GPD2: variants seen among roughly 807,000 people sequenced by gnomAD.
GPD2 encodes glycerol-3-phosphate dehydrogenase 2, also known as glycerol-3-phosphate dehydrogenase, mitochondrial.
A neutral mutation model predicts 82.4 loss-of-function variants in GPD2; 54 were observed. The ratio of observed to expected loss-of-function variants is 0.66; its 90% CI spans 0.53 to 0.82. GPD2 has a LOEUF of 0.82. Among genes scored for constraint, GPD2 ranks in the 40% least tolerant of loss-of-function variants. The probability of loss-of-function intolerance (pLI) is 0.00; values close to 1 mark genes in which losing one functional copy is unlikely to be tolerated. For missense variants in GPD2, 748 were observed against 896.2 expected, an observed-to-expected ratio of 0.83 and a Z score of 2.11; for synonymous variants, 288 against 306.1, an observed-to-expected ratio of 0.94 and a Z score of 0.62.
In GPD2 at chr2:156,452,202, C is replaced by T. The variant is rs181861763; in HGVS notation, c.-9+15689C>T. 4.3e-3 allele frequency among the ~76,000 whole-genome samples: 660 copies of T among 152,330 alleles called. 5 individuals carry two copies. Among genetic ancestry groups the T allele is most frequent in the Middle Eastern group, 0.034 (10 of 294 alleles). On this transcript the variant is annotated intron_variant, in intron 1 of 16. Transcript: ENST00000438166. Reference sequence around the variant, plus strand: ...TGGCACTTTGGGAGGCCAAGGCAGGCGGCTGGGAGGTGGAGGTTGTAGCGA... The same window carrying T: ...TGGCACTTTGGGAGGCCAAGGCAGGTGGCTGGGAGGTGGAGGTTGTAGCGA...
At chr2:156,445,805 T>A (rs1242554160) in intron 1 of GPD2, among the ~76,000 whole-genome samples, 4 of 152,250 alleles carry the variant, frequency 2.6e-5, no homozygotes, top group Non-Finnish European at 4.4e-5. Context: ...TTCAGCATTT[T>A]CTTTGAGTCT....
At chr2:156,537,926 G>A (rs192220961) in intron 6 of GPD2, among the ~76,000 whole-genome samples, 2 of 152,164 alleles carry the variant, frequency 1.3e-5, no homozygotes, top group African/African-American at 4.8e-5. Flanking sequence ...CCAAACCCCC[G>A]AGGGGAAGTT....
At chr2:156,527,866 A>T (rs1267994038) in intron 6 of GPD2, among the ~76,000 whole-genome samples, 2 of 152,092 alleles carry the variant, frequency 1.3e-5, no homozygotes, top group African/African-American at 4.8e-5. Flanking sequence ...CCTACAAAGA[A>T]TGGATTTGGT....
chr2:156,473,286 T>C (rs1388821095), intron 1 of GPD2, among the ~76,000 whole-genome samples: 1 of 152,198 alleles, frequency 6.6e-6, no homozygotes, highest in Non-Finnish European at 1.5e-5. Flanking sequence ...TTGATAGTAT[T>C]AGTGGCTCAT....
intron 3 of GPD2, among the ~76,000 whole-genome samples, chr2:156,505,844 C>T (rs1322932966): frequency 2.6e-5 from 4 of 152,162 alleles, no homozygotes; most frequent in Admixed American, 2.0e-4. Context: ...CACTTCCTTG[C>T]TTTATACTTA....
intron 6 of GPD2, among the ~76,000 whole-genome samples, chr2:156,514,548 C>T (rs1203379147): frequency 6.6e-6 from 1 of 151,888 alleles, no homozygotes; most frequent in African/African-American, 2.4e-5. Context: ...CAAAGGCTAT[C>T]CCTGTGTTTT....
chr2:156,469,353 C>T (rs1295219437), intron 1 of GPD2, among the ~76,000 whole-genome samples: 6 of 152,088 alleles, frequency 3.9e-5, no homozygotes, highest in Admixed American at 2.6e-4. Flanking sequence ...TTAGTAGAGA[C>T]GGAGTTTCAC....
chr2:156,512,501 T>TA (rs1685039056), intron 5 of GPD2, among the ~76,000 whole-genome samples, 184 bp downstream of exon 5: 1 of 152,252 alleles, frequency 6.6e-6, no homozygotes, highest in African/African-American at 2.4e-5. Flanking sequence ...AATTACTCTC[T>TA]ACTGGCCTAT....
chr2:156,575,562 C>T (rs1272643219), intron 13 of GPD2, among the ~76,000 whole-genome samples: 1 of 151,640 alleles, frequency 6.6e-6, no homozygotes, highest in African/African-American at 2.4e-5. Context: ...ACCACCATGC[C>T]CAGCTAGTTT....
chr2:156,570,207 A>G lies in GPD2; in HGVS notation c.1597A>G (p.Ile533Val). Residue 533 changes from isoleucine (I) to valine (V), a missense_variant, in exon 12 of 17, where the codon ATT becomes GTT. Ile to Val is a conservative substitution (Grantham distance 29). Transcript: ENST00000438166. ...ACGTCTTGTGTCAGAATTTCCATAT[A>G]TTGAAGCAGAGGTATGTGAATGGTC... is the stretch of plus-strand genomic sequence containing the variant. Reference protein sequence around the residue: ...GVRLVSEFPYIEAEVKYGIKE... With the variant: ...GVRLVSEFPYVEAEVKYGIKE... The G allele has an allele frequency of 6.2e-7, 1 of 1,612,744 alleles. No homozygotes were observed. The highest frequency in any genetic ancestry group is 1.1e-5 in the South Asian group (1 of 91,056).
chr2:156,402,538 A>C, the GPD2 span, among the ~76,000 whole-genome samples: 1 of 152,208 alleles, frequency 6.6e-6, no homozygotes, highest in Admixed American at 6.5e-5. Context: ...GGGGTTTTAA[A>C]ATCCCATTCT....
chr2:156,583,751 CA>C lies in GPD2; in HGVS notation c.*835del, dbSNP rs1688116745. On this transcript the variant is annotated 3_prime_UTR_variant, in exon 17 of 17. Transcript: ENST00000438166. Reference sequence around the variant, plus strand: ...TACTTTAAAACCAGCATTTAAGTGGCAATTTGGATGTAATAGGATGAGACCA... The same window carrying C: ...TACTTTAAAACCAGCATTTAAGTGGCATTTGGATGTAATAGGATGAGACCA... The C allele has an allele frequency of 6.6e-6, 1 of 152,396 alleles. No homozygotes were observed. The highest frequency in any genetic ancestry group is 2.1e-4 in the South Asian group (1 of 4,832). 9.4% of individuals were successfully genotyped at this position (152,396 alleles called of 1,614,324 possible).
intron 6 of GPD2, among the ~76,000 whole-genome samples, chr2:156,533,601 G>A (rs1023279903): frequency 6.6e-6 from 1 of 152,220 alleles, no homozygotes; most frequent in African/African-American, 2.4e-5. Flanking sequence ...CCTGTCAACA[G>A]TGCTGAATTT....
At chr2:156,558,765 CT>C (rs34524248) in intron 9 of GPD2, among the ~76,000 whole-genome samples, 6,771 of 40,030 alleles carry the variant, frequency 0.17, 294 homozygotes, top group East Asian at 0.3. Flanking sequence ...GCCCAGCTAA[CT>C]TTTTTTTTTT....
intron 3 of GPD2, among the ~76,000 whole-genome samples, chr2:156,501,293 A>G (rs1324297276): frequency 6.6e-6 from 1 of 152,200 alleles, no homozygotes; most frequent in Non-Finnish European, 1.5e-5. Flanking sequence ...GGAGACTTTT[A>G]TAAATGGTAT....
At chr2:156,535,428 G>T (rs1339229853) in intron 6 of GPD2, among the ~76,000 whole-genome samples, 3 of 70,118 alleles carry the variant, frequency 4.3e-5, no homozygotes, top group African/African-American at 1.4e-4. Flanking sequence ...AGGAAAGAGA[G>T]GGGGGTGGGG....
chr2:156,435,812 A>C (rs1290770112), upstream of GPD2: 1 of 152,396 alleles, frequency 6.6e-6, no homozygotes, highest in Non-Finnish European at 1.5e-5. Context: ...CAGGTAAGCC[A>C]GCCCCGCCAG....
Position 156,475,975 on chromosome 2 carries a change from T to A in GPD2, c.-8-123T>A, listed in dbSNP as rs550672236. ...ACACATTGGTTTGTTAGTAATTTCCTTATTTTATGTTTTCTTTTCTAGTTT... is the reference window on the plus strand; with the variant it reads ...ACACATTGGTTTGTTAGTAATTTCCATATTTTATGTTTTCTTTTCTAGTTT... On this transcript the variant is annotated intron_variant, in intron 1 of 16. Transcript: ENST00000438166. 3 of 664,862 alleles carry A rather than the reference T, an allele frequency of 4.5e-6. No individual in the cohort carries two copies. The Admixed American group carries it at 7.1e-5, about 16-fold the overall frequency. The allele number at this position is 664,862 out of a possible 1,614,324, so 41.2% of individuals were successfully genotyped here. A position where few individuals can be genotyped will look rare whatever the true frequency, so the allele number is the denominator to read the frequency against.
upstream of GPD2, among the ~76,000 whole-genome samples, chr2:156,434,234 G>T (rs1273954147): frequency 6.6e-6 from 1 of 152,100 alleles, no homozygotes; most frequent in Admixed American, 6.5e-5. Context: ...TTCCTGAGTA[G>T]CTGGGATTAC....
Sources: allele counts gnomAD v4.1 joint callset (sites outside exome capture counted in the v4.1 genomes callset), GRCh38; gene constraint gnomAD v4.1.1; transcripts MANE v1.5; gene names NCBI Gene and HGNC (gene_info 2026-07-23, HGNC 2026-07-21).